Variants in PCDHGB3 observed in about 807,000 individuals in gnomAD.
PCDHGB3 encodes the protein protocadherin gamma subfamily B, 3, also known as protocadherin gamma-B3.
PCDHGB3 carries 40 observed loss-of-function variants against 59.2 expected under a neutral mutation model. That is an observed-to-expected ratio of 0.68 (90% CI 0.52 to 0.88). PCDHGB3 has a LOEUF of 0.88. Among genes scored for constraint, PCDHGB3 ranks in the 40% least tolerant of loss-of-function variants. The pLI is 0.00. For missense variants in PCDHGB3, 1,309 were observed against 1,187.9 expected, an observed-to-expected ratio of 1.10 and a Z score of -1.50; for synonymous variants, 581 against 503.6, an observed-to-expected ratio of 1.15 and a Z score of -2.06.
At chr5:141,484,620 C>G (rs536622819) in intron 1 of PCDHGB3, among the ~76,000 whole-genome samples, 25 of 151,974 alleles carry the variant, frequency 1.6e-4, no homozygotes, top group African/African-American at 6.0e-4. Flanking sequence ...ACAACACTGG[C>G]TTGAACAAAG....
rs548074156 is a variant in PCDHGB3 at position 141,511,069 on chromosome 5, G to A, written c.2686G>A (p.Gly896Ser). The A allele has an allele frequency of 6.2e-7, 1 of 1,614,230 alleles. No individual in the cohort carries two copies. Among genetic ancestry groups the A allele is most frequent in the Non-Finnish European group, 8.5e-7 (1 of 1,180,034 alleles). ...CTACCGCCAGAATGTCTACATCCCA[G>A]GCAGCAATGCCACACTGACCAACGC... ...PDYRQNVYIP[G>S]SNATLTNAAG... The change falls in exon 4 of 4, where the codon GGC becomes AGC. Residue 896 changes from glycine (G) to serine (S), a missense_variant. Physicochemically the swap from Gly to Ser is moderately conservative, Grantham distance 56 (BLOSUM62 0). Transcript: ENST00000576222.
chr5:141,422,605 G>A (rs2096658595), intron 1 of PCDHGB3: 1 of 1,613,898 alleles, frequency 6.2e-7, no homozygotes, highest in Non-Finnish European at 8.5e-7. Flanking sequence ...CTCTTACTCT[G>A]CCTACATTCC....
intron 2 of PCDHGB3, among the ~76,000 whole-genome samples, chr5:141,502,828 G>T (rs928458403): frequency 6.6e-6 from 1 of 150,704 alleles, no homozygotes; most frequent in Non-Finnish European, 1.5e-5. Context: ...CCTTGGGGAA[G>T]CCTGGACTGG....
In PCDHGB3 at chr5:141,421,903, G is replaced by T. The variant is rs757656265; in HGVS notation, c.2415+49094G>T. 2.5e-6 allele frequency: 4 copies of T among 1,613,704 alleles called. No homozygotes were observed. In the East Asian group the frequency reaches 6.7e-5, roughly 27 times the overall value. ...TGGAGGCGATCCCATCCGAAAGGGCGCAGTTCCCATTCGTGTGGTGGTCCT... is the reference window on the plus strand; with the variant it reads ...TGGAGGCGATCCCATCCGAAAGGGCTCAGTTCCCATTCGTGTGGTGGTCCT... On this transcript the variant is annotated intron_variant, in intron 1 of 3. Transcript: ENST00000576222.
Position 141,491,711 on chromosome 5 carries a change from C to A in PCDHGB3, c.2416-3096C>A, listed in dbSNP as rs528931820. ...CGGGAGCGGAGCCAGGTGAGGGGCT[C>A]GGCGCCGCCCCGGGCGACCCCTGGG... On this transcript the variant is annotated intron_variant, in intron 1 of 3. Coordinates refer to ENST00000576222, the MANE Select transcript of PCDHGB3 (RefSeq NM_018924.5). The surrounding 1 kb of genome is among the most constrained non-coding windows in gnomAD (Gnocchi z 6.9). 1.3e-4 allele frequency: 217 copies of A among 1,609,356 alleles called. 3 individuals are homozygous for A. In the South Asian group the frequency reaches 2.2e-3, roughly 17 times the overall value.
intron 1 of PCDHGB3, chr5:141,382,794 C>T (rs764593779): frequency 9.0e-5 from 88 of 974,042 alleles, no homozygotes; most frequent in Admixed American, 2.4e-5. Context: ...CTCTATCCTG[C>T]TGGATTCTGA....
Position 141,485,932 on chromosome 5 carries a change from G to A in PCDHGB3, c.2416-8875G>A. ...CCAGCTACAGGATTAGTGTGTTGGA[G>A]AGCGCACCAGCGGGCATGGTGCTCA... On this transcript the variant is annotated intron_variant, in intron 1 of 3. Transcript: ENST00000576222. The surrounding 1 kb of genome is among the most constrained non-coding windows in gnomAD (Gnocchi z 5.7). The A allele has an allele frequency of 6.2e-7, 1 of 1,614,184 alleles. No homozygotes were observed. The highest frequency in any genetic ancestry group is 8.5e-7 in the Non-Finnish European group (1 of 1,180,042).
chr5:141,469,510 G>T (rs1022804863), intron 1 of PCDHGB3, among the ~76,000 whole-genome samples: 3 of 152,118 alleles, frequency 2.0e-5, no homozygotes, highest in African/African-American at 7.2e-5. Context: ...GGGAGGTGGA[G>T]GTTGCAGTGA....
At chr5:141,420,086 TAC>T (rs1396904191) in intron 1 of PCDHGB3, 2 of 1,614,002 alleles carry the variant, frequency 1.2e-6, no homozygotes, top group Non-Finnish European at 1.7e-6. Context: ...TCCCCCCAAC[TAC>T]AGTGAGGGAA....
At chr5:141,434,194 GTACT>G (rs527775432) in intron 1 of PCDHGB3, among the ~76,000 whole-genome samples, 169 of 152,308 alleles carry the variant, frequency 1.1e-3, no homozygotes, top group African/African-American at 3.9e-3. Flanking sequence ...TAATTCCAAT[GTACT>G]TACTTCTGTC....
At chr5:141,418,341 A>G (rs1407312724) in intron 1 of PCDHGB3, 1 of 1,614,006 alleles carries the variant, frequency 6.2e-7, no homozygotes, top group South Asian at 1.1e-5. Context: ...GAAGATCCTG[A>G]TATTAGTATG....
At chr5:141,392,859 CT>C in intron 1 of PCDHGB3, 1 of 1,612,504 alleles carries the variant, frequency 6.2e-7, no homozygotes, top group Non-Finnish European at 8.5e-7. Flanking sequence ...GCTGATCCTG[CT>C]GTGCGCGCTG....
chr5:141,394,966 G>T (rs758463890), intron 1 of PCDHGB3: 3 of 1,613,886 alleles, frequency 1.9e-6, no homozygotes, highest in Middle Eastern at 1.6e-4. Flanking sequence ...AGGCTGAGGC[G>T]CTGGCACAAG....
At chr5:141,400,126 G>A (rs1428204829) in intron 1 of PCDHGB3, 2 of 1,613,972 alleles carry the variant, frequency 1.2e-6, no homozygotes, top group East Asian at 2.2e-5. Context: ...CTTGCAGGAG[G>A]TGCTGCCGGA....
chr5:141,410,540 G>C (rs1301173391), intron 1 of PCDHGB3: 1 of 1,613,702 alleles, frequency 6.2e-7, no homozygotes. Context: ...TGAAGACATG[G>C]TTTGCAGTGT....
chr5:141,410,549 G>T, intron 1 of PCDHGB3: 1 of 1,613,438 alleles, frequency 6.2e-7, no homozygotes, highest in East Asian at 2.2e-5. Context: ...GGTTTGCAGT[G>T]TTTCTCCTGG....
At chr5:141,463,265 A>G (rs2099055701) in intron 1 of PCDHGB3, among the ~76,000 whole-genome samples, 1 of 151,998 alleles carries the variant, frequency 6.6e-6, no homozygotes, top group African/African-American at 2.4e-5. Flanking sequence ...ACTCTATCCC[A>G]TAAATTCTGG....
chr5:141,458,385 C>T (rs1371423838), intron 1 of PCDHGB3, among the ~76,000 whole-genome samples: 15 of 152,104 alleles, frequency 9.9e-5, no homozygotes, highest in East Asian at 1.9e-4. Context: ...AGAAGGAAGA[C>T]GCTCCCCCTT....
chr5:141,438,807 G>A (rs956766683), intron 1 of PCDHGB3, among the ~76,000 whole-genome samples: 13 of 149,270 alleles, frequency 8.7e-5, no homozygotes, highest in African/African-American at 1.7e-4. Context: ...GATTACAGGC[G>A]CCTGTCACCA....
Sources: gnomAD v4.1 joint callset for allele counts (sites outside exome capture counted in the v4.1 genomes callset) on GRCh38, gnomAD v4.1.1 for gene constraint, Gnocchi (gnomAD v3.1) non-coding constraint, MANE v1.5 for transcripts, NCBI Gene and HGNC (gene_info 2026-07-23, HGNC 2026-07-21) for gene names.